TACR3: variants seen among roughly 807,000 people sequenced by gnomAD.
TACR3 encodes the protein tachykinin receptor 3, also known as neuromedin-K receptor.
Under a neutral mutation model 35.0 loss-of-function variants are expected in TACR3, and 34 were observed. That is an observed-to-expected ratio of 0.97 (90% CI 0.74 to 1.30). The LOEUF is 1.30. TACR3 is among the 50% of genes most tolerant of loss of function. TACR3 has a pLI of 0.00. For missense variants in TACR3, 558 were observed against 591.7 expected, an observed-to-expected ratio of 0.94 and a Z score of 0.59; for synonymous variants, 233 against 221.1, an observed-to-expected ratio of 1.05 and a Z score of -0.48.
chr4:103,648,720 C>T (rs1244652109), intron 3 of TACR3, among the ~76,000 whole-genome samples: 1 of 152,104 alleles, frequency 6.6e-6, no homozygotes, highest in Non-Finnish European at 1.5e-5. Context: ...CAAGTCTTGG[C>T]TATTGTGAAT....
chr4:103,591,788 G>A, intron 3 of TACR3, 105 bp from the exon 4 acceptor site: 3 of 1,087,996 alleles, frequency 2.8e-6, no homozygotes, highest in Non-Finnish European at 4.1e-6. Context: ...TACACATCAT[G>A]CCTAGGGAAT....
intron 3 of TACR3, among the ~76,000 whole-genome samples, chr4:103,636,086 T>C (rs1725181515): frequency 6.6e-6 from 1 of 152,018 alleles, no homozygotes; most frequent in Admixed American, 6.6e-5. Context: ...GTTTACTAAA[T>C]TTAACAATGT....
At chr4:103,662,495 C>T (rs973779228) in intron 1 of TACR3, among the ~76,000 whole-genome samples, 3 of 152,188 alleles carry the variant, frequency 2.0e-5, no homozygotes, top group Admixed American at 1.3e-4. Context: ...TCTGGGATTA[C>T]AGGCATGAGC....
chr4:103,586,234 A>G lies in TACR3; in HGVS notation c.*3448T>C, dbSNP rs1401369230. ...TTTCATATATATATATATATGTATG[A>G]AAACACAAAACTAATGACCTTGTAC... is the stretch of plus-strand genomic sequence containing the variant. On this transcript the variant is annotated 3_prime_UTR_variant, in exon 5 of 5. Coordinates refer to ENST00000304883, the MANE Select transcript of TACR3 (RefSeq NM_001059.3). 1 of 150,932 alleles carries G rather than the reference A, an allele frequency of 6.6e-6. No homozygotes were observed. The highest frequency in any genetic ancestry group is 1.5e-5 in the Non-Finnish European group (1 of 67,948). 9.3% of individuals were successfully genotyped at this position (150,932 alleles called of 1,614,324 possible).
At position 103,626,917 on chromosome 4, in the gene TACR3, G is replaced by A. The variant is rs558820342; in HGVS notation, c.888+29277C>T. 4.6e-5 allele frequency among the ~76,000 whole-genome samples: 7 copies of A among 151,804 alleles called. No homozygotes were observed. The South Asian group carries it at 8.3e-4, about 18-fold the overall frequency. On this transcript the variant is annotated intron_variant, in intron 3 of 4. Transcript: ENST00000304883. ...GGGCCGAGCGCGGTAGCTCACACCC[G>A]TTATCCCAGCACTTTGGGAGATTGA... is the stretch of plus-strand genomic sequence containing the variant.
intron 3 of TACR3, among the ~76,000 whole-genome samples, chr4:103,643,365 G>A (rs548258639): frequency 6.6e-6 from 1 of 151,448 alleles, no homozygotes; most frequent in Admixed American, 6.6e-5. Context: ...GGAATGATAA[G>A]CAGGAAATTT....
chr4:103,665,592 G>T (rs1057383446), intron 1 of TACR3, among the ~76,000 whole-genome samples: 1 of 152,174 alleles, frequency 6.6e-6, no homozygotes, highest in African/African-American at 2.4e-5. Context: ...CAAAATAGAA[G>T]TAGCTCCTGC....
intron 3 of TACR3, among the ~76,000 whole-genome samples, chr4:103,597,000 A>C (rs1232352806): frequency 6.8e-6 from 1 of 146,898 alleles, no homozygotes; most frequent in African/African-American, 2.7e-5. Flanking sequence ...CCAGTCTATC[A>C]TTGTTGGACA....
In TACR3 at chr4:103,604,405, A is replaced by G. The variant is rs144819594; in HGVS notation, c.889-12722T>C. Among the ~76,000 whole-genome samples the G allele has an allele frequency of 6.2e-3, 950 of 152,348 alleles. 7 individuals carry two copies. Among genetic ancestry groups the G allele is most frequent in the African/African-American group, 0.021 (889 of 41,580 alleles). On this transcript the variant is annotated intron_variant, in intron 3 of 4. Coordinates refer to ENST00000304883, the MANE Select transcript of TACR3 (RefSeq NM_001059.3). ...AAAATTAATTCAAGATGGATTAAAG[A>G]ATTAAACATAAGACCGAAAACCATA...
intron 3 of TACR3, among the ~76,000 whole-genome samples, chr4:103,634,262 A>G (rs1032928229): frequency 5.3e-5 from 8 of 152,244 alleles, no homozygotes; most frequent in African/African-American, 1.7e-4. Flanking sequence ...TCTTTCTTTT[A>G]CTGAATTAGA....
At chr4:103,701,709 T>A (rs530750584) in intron 1 of TACR3, among the ~76,000 whole-genome samples, 1 of 152,126 alleles carries the variant, frequency 6.6e-6, no homozygotes, top group South Asian at 2.1e-4. Context: ...GAGATATAGA[T>A]CAATGGAACA....
chr4:103,598,954 T>C (rs922238755), intron 3 of TACR3, among the ~76,000 whole-genome samples: 5 of 152,168 alleles, frequency 3.3e-5, no homozygotes, highest in African/African-American at 1.2e-4. Flanking sequence ...TTTGGTTCCA[T>C]ATGAACTTTA....
At chr4:103,629,849 AC>A (rs1353797660) in intron 3 of TACR3, among the ~76,000 whole-genome samples, 14,796 of 107,570 alleles carry the variant, frequency 0.14, 1,222 homozygotes, top group African/African-American at 0.19. Context: ...CCTAAGCAAA[AC>A]AAAAAAAAAA....
rs1209247161 is a variant in TACR3, at chr4:103,588,260, AAAATC to A, written c.*1417_*1421del. The A allele has an allele frequency of 1.3e-5, 2 of 152,170 alleles. No individual in the cohort carries two copies. The highest frequency in any genetic ancestry group is 4.8e-5 in the African/African-American group (2 of 41,460). The allele number at this position is 152,170 out of a possible 1,614,324, so 9.4% of individuals were successfully genotyped here. On this transcript the variant is annotated 3_prime_UTR_variant, in exon 5 of 5. Coordinates refer to ENST00000304883, the MANE Select transcript of TACR3 (RefSeq NM_001059.3). ...GTATTATTTTAGACAAATATCTTTA[AAAATC>A]AAACTGAAGAGTTTAAAGGAGAAGT... is the stretch of plus-strand genomic sequence containing the variant.
chr4:103,603,852 A>C (rs1724273330), intron 3 of TACR3, among the ~76,000 whole-genome samples: 1 of 151,628 alleles, frequency 6.6e-6, no homozygotes, highest in South Asian at 2.1e-4. Context: ...CTGACTTTTT[A>C]ATGATCACCG....
chr4:103,703,898 A>G (rs1284822579), intron 1 of TACR3, among the ~76,000 whole-genome samples: 2 of 151,954 alleles, frequency 1.3e-5, no homozygotes, highest in Admixed American at 1.3e-4. Flanking sequence ...CAGGAGATCG[A>G]GACCATCCTG....
At chr4:103,624,837 G>C (rs1560811290) in intron 3 of TACR3, among the ~76,000 whole-genome samples, 1 of 152,136 alleles carries the variant, frequency 6.6e-6, no homozygotes, top group Admixed American at 6.6e-5. Flanking sequence ...ATGTGGGTAG[G>C]TATTTGGAAG....
chr4:103,599,800 G>T (rs1445918981), intron 3 of TACR3, among the ~76,000 whole-genome samples: 2 of 152,172 alleles, frequency 1.3e-5, no homozygotes, highest in Non-Finnish European at 2.9e-5. Context: ...TCCCAGGGAT[G>T]AAGCCCCCTT....
At chr4:103,618,633 G>A (rs1252521830) in intron 3 of TACR3, among the ~76,000 whole-genome samples, 1 of 135,874 alleles carries the variant, frequency 7.4e-6, no homozygotes, top group Non-Finnish European at 1.5e-5. Context: ...GTTCTGTGAG[G>A]AATGACAGGT....
Sources: gnomAD v4.1 joint callset for allele counts (sites outside exome capture counted in the v4.1 genomes callset) on GRCh38, gnomAD v4.1.1 for gene constraint, MANE v1.5 for transcripts, NCBI Gene and HGNC (gene_info 2026-07-23, HGNC 2026-07-21) for gene names.